TRAPPC9: variants seen among roughly 807,000 people sequenced by gnomAD.
TRAPPC9 encodes the protein IKK2 binding protein.
TRAPPC9 carries 83 observed loss-of-function variants against 124.0 expected under a neutral mutation model. The observed-to-expected ratio is 0.67, with a 90% confidence interval of 0.56 to 0.80. The LOEUF is 0.80. Ranked by LOEUF, TRAPPC9 falls within the 30% of genes least tolerant of loss-of-function variation. The pLI is 0.00. For synonymous variants in TRAPPC9, 638 were observed against 617.5 expected (o/e 1.03, Z -0.49); for missense variants, 1,302 against 1,508.3 (o/e 0.86, Z 2.27).
intron 9 of TRAPPC9, among the ~76,000 whole-genome samples, chr8:140,338,659 A>T: frequency 6.6e-6 from 1 of 152,236 alleles, no homozygotes; most frequent in East Asian, 1.9e-4. Context: ...ATTAGGACAC[A>T]GGCACAGAGG....
intron 17 of TRAPPC9, among the ~76,000 whole-genome samples, chr8:140,163,253 G>C (rs2061780387): frequency 6.6e-6 from 1 of 152,140 alleles, no homozygotes; most frequent in Non-Finnish European, 1.5e-5. Flanking sequence ...AGCTTGGTCT[G>C]CCTCACGGTG....
chr8:139,937,407 A>G (rs540356639), intron 19 of TRAPPC9, among the ~76,000 whole-genome samples: 1 of 152,270 alleles, frequency 6.6e-6, no homozygotes, highest in Admixed American at 6.5e-5. Flanking sequence ...TCTAAAATGA[A>G]CACATGTTAT....
intron 17 of TRAPPC9, among the ~76,000 whole-genome samples, chr8:140,030,829 G>T (rs931892850): frequency 1.3e-5 from 2 of 152,292 alleles, no homozygotes; most frequent in South Asian, 4.1e-4. Context: ...CAAGGAGATC[G>T]GCAGTTGCCT....
At chr8:140,163,709 C>A (rs143738025) in intron 17 of TRAPPC9, among the ~76,000 whole-genome samples, 2 of 152,014 alleles carry the variant, frequency 1.3e-5, no homozygotes, top group South Asian at 4.2e-4. Flanking sequence ...GTTATTGTAG[C>A]CTTTGTTTCA....
At chr8:140,304,997 A>G (rs889779971) in intron 10 of TRAPPC9, among the ~76,000 whole-genome samples, 1 of 152,192 alleles carries the variant, frequency 6.6e-6, no homozygotes, top group Non-Finnish European at 1.5e-5. Context: ...CTTCATGGGG[A>G]TGTTGCTGAG....
At chr8:140,376,214 G>A (rs1365683637) in intron 7 of TRAPPC9, among the ~76,000 whole-genome samples, 1 of 152,004 alleles carries the variant, frequency 6.6e-6, no homozygotes, top group African/African-American at 2.4e-5. Context: ...ATAAGACCTG[G>A]TCCCTCAAAA....
intron 17 of TRAPPC9, chr8:140,041,108 G>A (rs565247765): frequency 6.6e-6 from 1 of 152,264 alleles, no homozygotes; most frequent in South Asian, 2.1e-4. Context: ...TAGCAGAAGA[G>A]AAAAACAAGC....
At chr8:139,756,729 A>C (rs1819834219) in intron 21 of TRAPPC9, among the ~76,000 whole-genome samples, 1 of 134,462 alleles carries the variant, frequency 7.4e-6, no homozygotes, top group Admixed American at 7.3e-5. Context: ...AGCAGGTCGC[A>C]GGAGGAGCCA....
At chr8:140,115,691 A>T (rs1230909167) in intron 17 of TRAPPC9, among the ~76,000 whole-genome samples, 1 of 152,222 alleles carries the variant, frequency 6.6e-6, no homozygotes, top group Non-Finnish European at 1.5e-5. Flanking sequence ...GTGAATGCAC[A>T]GAGCAGGGGC....
intron 9 of TRAPPC9, among the ~76,000 whole-genome samples, chr8:140,359,173 C>G (rs77366793): frequency 6.6e-6 from 1 of 152,288 alleles, no homozygotes; most frequent in East Asian, 1.9e-4. Context: ...TGAGGCCCAG[C>G]TTCTCCCACT....
chr8:139,988,649 A>T, intron 19 of TRAPPC9, 77 bp downstream of exon 19: 1 of 979,976 alleles, frequency 1.0e-6, no homozygotes. Context: ...GGGGTGGATT[A>T]TCTCCACACC....
At chr8:140,022,262 C>T (rs1839871353) in intron 18 of TRAPPC9, among the ~76,000 whole-genome samples, 3 of 152,126 alleles carry the variant, frequency 2.0e-5, no homozygotes, top group Admixed American at 2.0e-4. Flanking sequence ...AAGTCCAATC[C>T]ACAGGGCTTG....
At chr8:139,805,394 A>G (rs1439954391) in intron 21 of TRAPPC9, among the ~76,000 whole-genome samples, 4 of 152,140 alleles carry the variant, frequency 2.6e-5, no homozygotes, top group African/African-American at 7.2e-5. Context: ...AAGACCCCAC[A>G]CTCGGCAGGT....
intron 20 of TRAPPC9, among the ~76,000 whole-genome samples, chr8:139,887,475 T>C (rs1240320465): frequency 6.6e-6 from 1 of 152,194 alleles, no homozygotes; most frequent in African/African-American, 2.4e-5. Flanking sequence ...CTGCCCATTT[T>C]GGCCTCCCAA....
chr8:140,449,693 G>GT (rs2071388987), intron 2 of TRAPPC9, among the ~76,000 whole-genome samples: 1 of 152,204 alleles, frequency 6.6e-6, no homozygotes, highest in African/African-American at 2.4e-5. Context: ...TGGCTGCTTT[G>GT]TAAGTGAGGA....
chr8:139,922,246 G>A (rs1353329778), intron 19 of TRAPPC9, among the ~76,000 whole-genome samples: 1 of 150,926 alleles, frequency 6.6e-6, no homozygotes, highest in Non-Finnish European at 1.5e-5. Flanking sequence ...GCACACTCTC[G>A]GCTCACTGAA....
chr8:140,341,905 G>A (rs1421940233), intron 9 of TRAPPC9, among the ~76,000 whole-genome samples: 1 of 152,258 alleles, frequency 6.6e-6, no homozygotes, highest in Non-Finnish European at 1.5e-5. Context: ...CAGACTGAAA[G>A]AGCAGTGCAC....
intron 17 of TRAPPC9, among the ~76,000 whole-genome samples, chr8:140,161,363 T>C (rs2061748083): frequency 6.6e-6 from 1 of 151,946 alleles, no homozygotes; most frequent in Admixed American, 6.6e-5. Flanking sequence ...CCACTTCAGA[T>C]ACAGGTCAGG....
chr8:139,807,818 A>G (rs1226738310), intron 21 of TRAPPC9, among the ~76,000 whole-genome samples: 1 of 152,230 alleles, frequency 6.6e-6, no homozygotes, highest in Non-Finnish European at 1.5e-5. Flanking sequence ...ATAAAAAAAT[A>G]TGAAAAATGA....
Sources: gnomAD v4.1 joint callset for allele counts (sites outside exome capture counted in the v4.1 genomes callset) on GRCh38, gnomAD v4.1.1 for gene constraint, MANE v1.5 for transcripts, NCBI Gene and HGNC (gene_info 2026-07-23, HGNC 2026-07-21) for gene names.